IQSEC1: variants seen among roughly 807,000 people sequenced by gnomAD.
IQSEC1 encodes IQ motif and SEC7 domain-containing protein 1.
In IQSEC1, 31 loss-of-function variants were observed where a neutral mutation model predicts 91.0. The ratio of observed to expected loss-of-function variants is 0.34; its 90% CI spans 0.26 to 0.46. The LOEUF (loss-of-function observed/expected upper bound fraction) is 0.46. Ranked by LOEUF, IQSEC1 falls within the 20% of genes least tolerant of loss-of-function variation. IQSEC1 has a pLI of 1.00. For synonymous variants in IQSEC1, 699 were observed against 662.6 expected (o/e 1.05, Z -0.84); for missense variants, 1,388 against 1,575.6 (o/e 0.88, Z 2.02).
chr3:13,222,169 C>T (rs1326177199), intron 1 of IQSEC1, among the ~76,000 whole-genome samples: 1 of 151,190 alleles, frequency 6.6e-6, no homozygotes, highest in Non-Finnish European at 1.5e-5. Context: ...CTGGCACCTC[C>T]ATTCCACTTT....
In IQSEC1 at chr3:12,979,791, A is replaced by G. The variant is rs1248774720; in HGVS notation, c.24-37926T>C. On this transcript the variant is annotated intron_variant, in intron 1 of 13. Transcript: ENST00000613206. The surrounding 1 kb of genome is among the most constrained non-coding windows in gnomAD (Gnocchi z 4.3). ...TCTCATGTTCCAGGTGGTATGCTCC[A>G]TGTCACCAAGAGCTGAGCCTGTGCC... is the stretch of plus-strand genomic sequence containing the variant. Among the ~76,000 whole-genome samples the G allele has an allele frequency of 6.6e-6, 1 of 152,136 alleles. No individual in the cohort carries two copies. Among genetic ancestry groups the G allele is most frequent in the Non-Finnish European group, 1.5e-5 (1 of 68,026 alleles).
At chr3:13,058,728 G>C (rs1161081675) in intron 1 of IQSEC1, among the ~76,000 whole-genome samples, 1 of 152,230 alleles carries the variant, frequency 6.6e-6, no homozygotes, top group Non-Finnish European at 1.5e-5. Flanking sequence ...ATGCATGAGA[G>C]GAAGGAGCTG....
At position 13,180,113 on chromosome 3, in the gene IQSEC1, G is replaced by A. The variant is rs1316497375; in HGVS notation, c.273-15980C>T. ...GCTGAGGAGTGCAGGTGCATGGTGC[G>A]GGACTGGCAGGCAGCTCCACCTGCC... is the stretch of plus-strand genomic sequence containing the variant. On this transcript the variant is annotated intron_variant, in intron 1 of 15. Transcript: ENST00000648114. Among the ~76,000 whole-genome samples, 5 of 151,268 alleles carry A rather than the reference G, an allele frequency of 3.3e-5. No individual in the cohort carries two copies. In the East Asian group the frequency reaches 5.8e-4, roughly 18 times the overall value.
chr3:13,105,579 A>G (rs1269500451), intron 2 of IQSEC1, among the ~76,000 whole-genome samples: 2 of 152,130 alleles, frequency 1.3e-5, no homozygotes, highest in African/African-American at 2.4e-5. Context: ...AACAGCCTCC[A>G]TGCACACACA....
In IQSEC1 at chr3:13,161,863, T is replaced by C. The variant is rs368427778; in HGVS notation, c.302+2241A>G. Among the ~76,000 whole-genome samples, 7 of 152,278 alleles carry C rather than the reference T, an allele frequency of 4.6e-5. No individual in the cohort carries two copies. In the East Asian group the frequency reaches 1.3e-3, roughly 29 times the overall value. ...CTGTGTGGCTCGGAGCTGGGACATA[T>C]GCTCGGCTCTGTGTGCCAGTCCCCC... On this transcript the variant is annotated intron_variant, in intron 2 of 15. Coordinates refer to the IQSEC1 transcript ENST00000648114.
intron 1 of IQSEC1, among the ~76,000 whole-genome samples, chr3:13,190,555 C>CAAAACAAACA (rs374047158): frequency 7.0e-6 from 1 of 142,720 alleles, no homozygotes; most frequent in African/African-American, 2.6e-5. Flanking sequence ...GACCCTGTCT[C>CAAAACAAACA]AAAAAAAAAA....
chr3:13,129,489 A>G lies in IQSEC1; in HGVS notation c.302+34615T>C, dbSNP rs187176758. Among the ~76,000 whole-genome samples the G allele has an allele frequency of 9.4e-4, 143 of 152,130 alleles. 3 individuals carry two copies. The highest frequency in any genetic ancestry group is 3.2e-3 in the African/African-American group (133 of 41,500). On this transcript the variant is annotated intron_variant, in intron 2 of 15. Coordinates refer to the IQSEC1 transcript ENST00000648114. ...TGTTTTTCATTTCATTAATTTCCAC[A>G]CTGATATTTTTCTTCGTCCTTTGGG...
At chr3:13,118,024 A>G (rs1706363708) in intron 2 of IQSEC1, among the ~76,000 whole-genome samples, 1 of 152,204 alleles carries the variant, frequency 6.6e-6, no homozygotes, top group African/African-American at 2.4e-5. Flanking sequence ...CCACTGTGGA[A>G]TACAGTAAGT....
chr3:12,966,773 C>T (rs755527655), intron 1 of IQSEC1, among the ~76,000 whole-genome samples: 9 of 152,316 alleles, frequency 5.9e-5, no homozygotes, highest in Non-Finnish European at 1.2e-4. Context: ...GCAGAGTACC[C>T]GACAGAAGCT....
intron 1 of IQSEC1, among the ~76,000 whole-genome samples, chr3:13,242,981 G>A (rs1286909410): frequency 6.6e-6 from 1 of 152,094 alleles, no homozygotes; most frequent in Non-Finnish European, 1.5e-5. Flanking sequence ...AGTAGTGAGG[G>A]GGTTGATTGG....
rs112346078 is a variant in IQSEC1 at position 12,968,312 on chromosome 3, G to C, written c.24-26447C>G. 9.0e-3 allele frequency among the ~76,000 whole-genome samples: 1,377 copies of C among 152,236 alleles called. 21 individuals carry two copies. The highest frequency in any genetic ancestry group is 0.078 in the South Asian group (374 of 4,818). On this transcript the variant is annotated intron_variant, in intron 1 of 13. Transcript: ENST00000613206. Reference sequence around the variant, plus strand: ...CCACCCTTTTGGCGGCTTTTTGGGGGAAGATCTAATGGAAAGTTGCTTCTT... The same window carrying C: ...CCACCCTTTTGGCGGCTTTTTGGGGCAAGATCTAATGGAAAGTTGCTTCTT...
At chr3:13,192,790 AC>A (rs1459768844) in intron 1 of IQSEC1, among the ~76,000 whole-genome samples, 2 of 152,348 alleles carry the variant, frequency 1.3e-5, no homozygotes, top group East Asian at 1.9e-4. Flanking sequence ...CTGTGTGTCC[AC>A]CTGGCTGGGC....
At chr3:13,105,582 C>A (rs1334377996) in intron 2 of IQSEC1, among the ~76,000 whole-genome samples, 1 of 151,990 alleles carries the variant, frequency 6.6e-6, no homozygotes, top group Non-Finnish European at 1.5e-5. Context: ...AGCCTCCATG[C>A]ACACACACAC....
intron 1 of IQSEC1, 140 bp downstream of exon 1, chr3:13,072,852 T>C (rs1705481482): frequency 1.4e-6 from 1 of 728,644 alleles, no homozygotes; most frequent in Non-Finnish European, 2.4e-6. Context: ...CCGGCATCCC[T>C]GCTGGGTGGC....
chr3:13,110,361 C>T (rs968577191), intron 2 of IQSEC1, among the ~76,000 whole-genome samples: 6 of 151,894 alleles, frequency 4.0e-5, no homozygotes, highest in East Asian at 2.0e-4. Context: ...GAGGCCAAGG[C>T]GGGAGGATCA....
chr3:13,060,812 C>G (rs1476002123), intron 1 of IQSEC1, among the ~76,000 whole-genome samples: 1 of 152,198 alleles, frequency 6.6e-6, no homozygotes, highest in African/African-American at 2.4e-5. Context: ...CTGAGAGGGG[C>G]ACCCAGAGAA....
At chr3:13,051,351 C>T (rs916564487) in intron 1 of IQSEC1, among the ~76,000 whole-genome samples, 40 of 152,188 alleles carry the variant, frequency 2.6e-4, no homozygotes, top group African/African-American at 9.4e-4. Flanking sequence ...TACACCCTGG[C>T]ACTGCTTCTA....
intron 2 of IQSEC1, among the ~76,000 whole-genome samples, chr3:13,107,656 C>A (rs1706173335): frequency 6.6e-6 from 1 of 152,372 alleles, no homozygotes; most frequent in African/African-American, 2.4e-5. Flanking sequence ...CTACTGGCAT[C>A]ATGGTGGTCT....
At chr3:12,961,716 C>T (rs983456471) in intron 1 of IQSEC1, among the ~76,000 whole-genome samples, 7 of 152,216 alleles carry the variant, frequency 4.6e-5, no homozygotes, top group East Asian at 1.9e-4. Flanking sequence ...TCAAACTTCT[C>T]GGGCCTAAAA....
Sources: gnomAD v4.1 joint callset for allele counts (sites outside exome capture counted in the v4.1 genomes callset) on GRCh38, gnomAD v4.1.1 for gene constraint, Gnocchi (gnomAD v3.1) non-coding constraint, MANE v1.5 for transcripts, NCBI Gene and HGNC (gene_info 2026-07-23, HGNC 2026-07-21) for gene names.